The following KCND3 variants were observed in gnomAD, a reference collection of about 807,000 sequenced individuals.
The protein encoded by KCND3 is A-type voltage-gated potassium channel KCND3.
KCND3 carries 9 observed loss-of-function variants against 51.1 expected under a neutral mutation model. The observed-to-expected ratio is 0.18, with a 90% confidence interval of 0.11 to 0.31. The LOEUF (loss-of-function observed/expected upper bound fraction) is 0.31, where lower values mean the gene tolerates loss of function less well. KCND3 is among the 10% of genes least tolerant of loss of function. KCND3 has a pLI of 1.00. For synonymous variants in KCND3, 349 were observed against 368.0 expected (o/e 0.95, Z 0.59); for missense variants, 526 against 903.8 (o/e 0.58, Z 5.36).
At chr1:111,850,735 C>T (rs1238403656) in intron 2 of KCND3, among the ~76,000 whole-genome samples, 1 of 152,170 alleles carries the variant, frequency 6.6e-6, no homozygotes, top group African/African-American at 2.4e-5. Context: ...AAGCAGTGGC[C>T]CTTGAGCATT....
rs1181466778 is a variant in KCND3 at position 111,811,273 on chromosome 1, CTGGACTAGGTGTTT to C, written c.1107-24181_1107-24168del. ...GAGTGGGGCAACAGTGTGGCAGGTC[CTGGACTAGGTGTTT>C]TGTATACATTGTCTCTGTGTCCTGT... On this transcript the variant is annotated intron_variant, in intron 2 of 7. Coordinates refer to ENST00000302127, the MANE Select transcript of KCND3 (RefSeq NM_001378969.1). Among the ~76,000 whole-genome samples, 8 of 152,212 alleles carry C rather than the reference CTGGACTAGGTGTTT, an allele frequency of 5.3e-5. No homozygotes were observed. The East Asian group carries it at 1.2e-3, about 22-fold the overall frequency.
chr1:111,848,833 G>A (rs188203284), intron 2 of KCND3, among the ~76,000 whole-genome samples: 21 of 152,330 alleles, frequency 1.4e-4, no homozygotes, highest in Non-Finnish European at 2.5e-4. Flanking sequence ...CAGAGTAGAA[G>A]GATGCCAGGG....
chr1:111,877,610 C>CA (rs1279995102), intron 2 of KCND3, among the ~76,000 whole-genome samples: 1 of 152,174 alleles, frequency 6.6e-6, no homozygotes, highest in Non-Finnish European at 1.5e-5. Context: ...CCACAAGGGT[C>CA]AACAGCCATT....
At chr1:111,900,146 C>T (rs1402471680) in intron 2 of KCND3, among the ~76,000 whole-genome samples, 3 of 152,226 alleles carry the variant, frequency 2.0e-5, no homozygotes, top group African/African-American at 7.2e-5. Flanking sequence ...GGCTGCTGGG[C>T]ACCTCACCCT....
intron 2 of KCND3, among the ~76,000 whole-genome samples, chr1:111,806,969 A>G (rs977164186): frequency 2.0e-5 from 3 of 152,192 alleles, no homozygotes; most frequent in African/African-American, 7.2e-5. Context: ...TGCAGCCTTG[A>G]ATTTGGATTA....
chr1:111,851,995 A>G (rs978482650), intron 2 of KCND3, among the ~76,000 whole-genome samples: 1 of 152,166 alleles, frequency 6.6e-6, no homozygotes, highest in East Asian at 1.9e-4. Context: ...TGACCCATCA[A>G]TCTCTACAGC....
At position 111,777,143 on chromosome 1, in the gene KCND3, C is replaced by A; in HGVS notation, c.1649G>T (p.Arg550Leu). 6.2e-7 allele frequency: 1 copy of A among 1,614,160 alleles called. No homozygotes were observed. ...PGLTTTCCSR[R>L]SKKTTHLPNS... ...GGGCAGGTGTGTGGTCTTCTTACTA[C>A]GACGGGAGCAGCAGGTGGTAGTGAG... is the stretch of plus-strand genomic sequence containing the variant. The change falls in exon 7 of 8, where the codon CGT becomes CTT. Residue 550 changes from arginine (R) to leucine (L), a missense_variant. By Grantham distance (102) the Arg-to-Leu change is moderately radical (BLOSUM62 -2). Transcript: ENST00000302127.
At chr1:111,865,215 T>A (rs1668505310) in intron 2 of KCND3, among the ~76,000 whole-genome samples, 1 of 152,246 alleles carries the variant, frequency 6.6e-6, no homozygotes, top group African/African-American at 2.4e-5. Context: ...TGCTACTTGC[T>A]TTCACACATA....
rs145890206 is a variant in KCND3 at position 111,777,219 on chromosome 1, T to C, written c.1573A>G (p.Met525Val). Reference protein sequence around the residue: ...MFEQNCMESSMQNYPSTRSPS... With the variant: ...MFEQNCMESSVQNYPSTRSPS... ...CTTCTTGTGGATGGGTAGTTCTGCA[T>C]TGAACTCTCCATGCAGTTCTGCTCA... is the stretch of plus-strand genomic sequence containing the variant. Residue 525 changes from methionine (M) to valine (V), a missense_variant, in exon 7 of 8, where the codon ATG (methionine) becomes GTG (valine). Met to Val is a conservative substitution (Grantham distance 21, BLOSUM62 1). This residue lies in a region of KCND3 where 266 missense variants were observed against 305.5 expected (regional missense o/e 0.87). Transcript: ENST00000302127. 1.2e-4 allele frequency: 196 copies of C among 1,614,196 alleles called. 1 individual carries two copies. In the African/African-American group the frequency reaches 2.2e-3, roughly 18 times the overall value.
In KCND3 at chr1:111,780,151, G is replaced by A; in HGVS notation, c.1461+74C>T. 3 of 1,385,316 alleles carry A rather than the reference G, an allele frequency of 2.2e-6. No homozygotes were observed. Among genetic ancestry groups the A allele is most frequent in the Non-Finnish European group, 3.0e-6 (3 of 996,820 alleles). 85.8% of individuals were successfully genotyped at this position (1,385,316 alleles called of 1,614,324 possible). On this transcript the variant is annotated intron_variant, in intron 5 of 7. Coordinates refer to ENST00000302127, the MANE Select transcript of KCND3 (RefSeq NM_001378969.1). The surrounding 1 kb of genome is among the most constrained non-coding windows in gnomAD (Gnocchi z 4.2). ...CAGACTTTGACTTCTGGCCCAGAGT[G>A]AAGATGTGAGTACAGCCTTAGAAAA...
At chr1:111,862,747 C>G (rs1668393350) in intron 2 of KCND3, among the ~76,000 whole-genome samples, 2 of 152,338 alleles carry the variant, frequency 1.3e-5, no homozygotes, top group African/African-American at 4.8e-5. Flanking sequence ...TTTACTCTCA[C>G]AGGGTTGTTT....
chr1:111,888,047 G>A (rs534907073), intron 2 of KCND3, among the ~76,000 whole-genome samples: 1 of 152,384 alleles, frequency 6.6e-6, no homozygotes, highest in Admixed American at 6.5e-5. Flanking sequence ...GTACCAGAGT[G>A]ATGGGCAGAG....
At chr1:111,799,937 C>T (rs1665220214) in intron 2 of KCND3, among the ~76,000 whole-genome samples, 2 of 152,224 alleles carry the variant, frequency 1.3e-5, no homozygotes, top group African/African-American at 4.8e-5. Flanking sequence ...GCCCCCCCGC[C>T]TGGCCAGCCG....
At chr1:111,859,193 C>T (rs1356735234) in intron 2 of KCND3, among the ~76,000 whole-genome samples, 2 of 152,220 alleles carry the variant, frequency 1.3e-5, no homozygotes, top group African/African-American at 4.8e-5. Context: ...TGAGCTGATG[C>T]TATGTGTCAG....
chr1:111,989,444 G>A (rs1203948431), intron 1 of KCND3, among the ~76,000 whole-genome samples, 61 bp downstream of exon 1: 2 of 152,050 alleles, frequency 1.3e-5, no homozygotes, highest in African/African-American at 4.8e-5. Context: ...GGAGCAACAG[G>A]CGTGGGAGCA....
In KCND3 at chr1:111,975,721, C is replaced by T. The variant is rs188570549; in HGVS notation, c.1106+5900G>A. Among the ~76,000 whole-genome samples, 413 of 152,274 alleles carry T rather than the reference C, an allele frequency of 2.7e-3. 2 individuals are homozygous for T. Among genetic ancestry groups the T allele is most frequent in the Non-Finnish European group, 4.2e-3 (285 of 68,012 alleles). ...CTACATGAGCTGCTTCCCCTGTTAC[C>T]TCTCTGGCCTCATCTCCTGGTACTC... On this transcript the variant is annotated intron_variant, in intron 2 of 7. Coordinates refer to ENST00000302127, the MANE Select transcript of KCND3 (RefSeq NM_001378969.1).
At chr1:111,988,902 G>A (rs1675464371) in intron 1 of KCND3, 1 of 152,378 alleles carries the variant, frequency 6.6e-6, no homozygotes, top group African/African-American at 2.4e-5. Flanking sequence ...ACTTTGCCCA[G>A]TCCCTTCCCG....
At chr1:111,940,513 G>A (rs1672465020) in intron 2 of KCND3, among the ~76,000 whole-genome samples, 1 of 152,042 alleles carries the variant, frequency 6.6e-6, no homozygotes, top group Admixed American at 6.5e-5. Context: ...TTTTTGTCAG[G>A]TTTGTCAAAG....
intron 2 of KCND3, among the ~76,000 whole-genome samples, chr1:111,974,710 G>A (rs1674532566): frequency 6.6e-6 from 1 of 152,174 alleles, no homozygotes; most frequent in Non-Finnish European, 1.5e-5. Context: ...CTATCTTGAG[G>A]CAGAATAATT....
Sources: gnomAD v4.1 joint callset for allele counts (sites outside exome capture counted in the v4.1 genomes callset) on GRCh38, gnomAD v4.1.1 for gene constraint, gnomAD v4.1.1 regional missense constraint, Gnocchi (gnomAD v3.1) non-coding constraint, MANE v1.5 for transcripts, NCBI Gene and HGNC (gene_info 2026-07-23, HGNC 2026-07-21) for gene names.